Variants in DMD observed in about 807,000 individuals in gnomAD.
DMD encodes the protein dystrophin, also known as mutant dystrophin.
DMD carries 63 observed loss-of-function variants against 330.1 expected under a neutral mutation model. The ratio of observed to expected loss-of-function variants is 0.19; its 90% CI spans 0.16 to 0.24. The LOEUF (loss-of-function observed/expected upper bound fraction) is 0.24, where lower values mean the gene tolerates loss of function less well. Ranked by LOEUF, DMD falls within the 10% of genes least tolerant of loss-of-function variation. The pLI, the probability that DMD is intolerant of heterozygous loss-of-function variation, is 1.00. For missense variants in DMD, 3,344 were observed against 2,684.1 expected (o/e 1.25, Z -5.43); for synonymous variants, 1,223 against 959.8 (o/e 1.27, Z -5.07).
intron 16 of DMD, among the ~76,000 whole-genome samples, chrX:32,564,844 A>G (rs747565215): frequency 2.2e-4 from 25 of 111,761 alleles, no homozygotes; most frequent in Non-Finnish European, 3.8e-5. Context: ...ACTTGTCTCA[A>G]TATAGAGGAA....
intron 2 of DMD, among the ~76,000 whole-genome samples, chrX:32,943,949 C>T (rs2146846513): frequency 9.0e-6 from 1 of 111,325 alleles, no homozygotes; most frequent in South Asian, 3.8e-4. Context: ...CAAGTTAGGG[C>T]TTTTAGAGCG....
chrX:31,515,965 A>G (rs1220071802), intron 55 of DMD, among the ~76,000 whole-genome samples: 1 of 111,902 alleles, frequency 8.9e-6, no homozygotes, highest in African/African-American at 3.2e-5. Flanking sequence ...AAACAAAAAC[A>G]ATTATATGAA....
intron 9 of DMD, among the ~76,000 whole-genome samples, chrX:32,666,116 A>T (rs2061285674): frequency 9.0e-6 from 1 of 110,769 alleles, no homozygotes; most frequent in Non-Finnish European, 1.9e-5. Flanking sequence ...GACATATATG[A>T]TCTTAGAGTG....
intron 47 of DMD, among the ~76,000 whole-genome samples, chrX:31,910,962 A>G (rs958710957): frequency 1.7e-4 from 19 of 112,384 alleles, no homozygotes; most frequent in Admixed American, 2.8e-4. Context: ...CCCTTACTAA[A>G]TCCACAGCAT....
intron 43 of DMD, among the ~76,000 whole-genome samples, chrX:32,280,400 C>T (rs1164778501): frequency 9.1e-6 from 1 of 109,621 alleles, no homozygotes; most frequent in Non-Finnish European, 1.9e-5. Context: ...TCAGGACTTG[C>T]TTGTTTTTTA....
At chrX:31,954,535 C>T (rs1409466150) in intron 45 of DMD, among the ~76,000 whole-genome samples, 5 of 111,509 alleles carry the variant, frequency 4.5e-5, no homozygotes, top group Non-Finnish European at 7.5e-5. Flanking sequence ...TATATATATG[C>T]ACCATGGGAT....
At chrX:31,875,511 A>G (rs915080391) in intron 47 of DMD, 138 bp from the exon 48 acceptor site, 53 of 514,769 alleles carry the variant, frequency 1.0e-4, no homozygotes, top group Non-Finnish European at 1.6e-4. Flanking sequence ...GCAGCATAAT[A>G]TTGATTATTT....
chrX:32,804,239 G>A (rs1311378898), intron 7 of DMD, among the ~76,000 whole-genome samples: 2 of 112,057 alleles, frequency 1.8e-5, no homozygotes, highest in Admixed American at 9.4e-5. Context: ...TGTAATTCTC[G>A]CTGCCAGCAC....
chrX:32,554,858 G>A (rs1603636224), intron 16 of DMD, among the ~76,000 whole-genome samples: 3 of 68,730 alleles, frequency 4.4e-5, no homozygotes, highest in Non-Finnish European at 6.2e-5. Flanking sequence ...GAGAGAGAGA[G>A]AGAGAGAGAG....
chrX:32,732,465 T>C (rs2067825101), intron 7 of DMD, among the ~76,000 whole-genome samples: 2 of 110,416 alleles, frequency 1.8e-5, no homozygotes, highest in Admixed American at 1.9e-4. Flanking sequence ...AATTGTCAGA[T>C]TCACCAAAGT....
intron 59 of DMD, among the ~76,000 whole-genome samples, chrX:31,470,287 G>T (rs1269067518): frequency 9.0e-6 from 1 of 111,342 alleles, no homozygotes; most frequent in African/African-American, 3.3e-5. Flanking sequence ...TTTTTGTGCT[G>T]GTTTTTCCTC....
intron 25 of DMD, among the ~76,000 whole-genome samples, chrX:32,458,480 C>A (rs867550790): frequency 9.0e-6 from 1 of 111,177 alleles, no homozygotes. Flanking sequence ...TCCTTGAGAT[C>A]CTGATTTTAT....
chrX:31,128,834 C>T (rs1279951659), intron 77 of DMD, among the ~76,000 whole-genome samples: 1 of 111,725 alleles, frequency 9.0e-6, no homozygotes, highest in Non-Finnish European at 1.9e-5. Context: ...CTTTTTTTCA[C>T]TTTAGAAAAA....
chrX:33,071,022 AAAG>A (rs2094747368), intron 1 of DMD, among the ~76,000 whole-genome samples: 1 of 111,108 alleles, frequency 9.0e-6, no homozygotes, highest in African/African-American at 3.3e-5. Flanking sequence ...TCTATTATAC[AAAG>A]AAGGAACACA....
intron 44 of DMD, among the ~76,000 whole-genome samples, chrX:32,061,597 AG>A (rs1482226118): frequency 9.0e-6 from 1 of 111,660 alleles, no homozygotes; most frequent in African/African-American, 3.3e-5. Context: ...TGAAATTAGA[AG>A]GCGATTCAGC....
chrX:32,195,191 TAAG>T (rs1398478044), intron 44 of DMD, among the ~76,000 whole-genome samples: 2 of 111,458 alleles, frequency 1.8e-5, no homozygotes, highest in Non-Finnish European at 3.8e-5. Flanking sequence ...ATCAAGTAGA[TAAG>T]AAGAAGATAC....
rs73207766 is a variant in DMD at position 32,515,192 on chromosome X, T to A, written c.2292+2816A>T. Among the ~76,000 whole-genome samples, 500 of 110,967 alleles carry A rather than the reference T, an allele frequency of 4.5e-3. 2 individuals are homozygous for A. The highest frequency in any genetic ancestry group is 7.8e-3 in the Non-Finnish European group (413 of 52,929). On this transcript the variant is annotated intron_variant, in intron 18 of 78. Coordinates refer to ENST00000357033, the MANE Select transcript of DMD (RefSeq NM_004006.3). ...ATAGAAGGCTTGTCTTGAAAAAGTG[T>A]TTGAGCCTGCCGAGTGAGAGTGTGG...
intron 47 of DMD, among the ~76,000 whole-genome samples, chrX:31,890,104 C>T (rs2094220999): frequency 9.2e-6 from 1 of 109,259 alleles, no homozygotes; most frequent in Non-Finnish European, 1.9e-5. Context: ...CAGTCTCCTT[C>T]TTTTTACTTT....
rs866730097 is a variant in DMD, at chrX:32,529,541, T to C, written c.2169-11410A>G. ...CCCGAGTACCTAGGATTAGGCAAAA[T>C]CAACTTTCTAAATTAACTGAGACCT... On this transcript the variant is annotated intron_variant, in intron 17 of 78. Transcript: ENST00000357033. 6.5e-5 allele frequency among the ~76,000 whole-genome samples: 7 copies of C among 107,565 alleles called. No homozygotes were observed. The South Asian group carries it at 2.9e-3, about 44-fold the overall frequency. The allele number at this position is 107,565 out of a possible 115,157, so 93.4% of individuals were successfully genotyped here.
Sources: allele counts gnomAD v4.1 joint callset (sites outside exome capture counted in the v4.1 genomes callset), GRCh38; gene constraint gnomAD v4.1.1; transcripts MANE v1.5; gene names NCBI Gene and HGNC (gene_info 2026-07-23, HGNC 2026-07-21).